Variants in VWA8 observed in about 807,000 individuals in gnomAD.
VWA8 encodes the protein von Willebrand factor A domain-containing protein 8.
Under a neutral mutation model 241.5 loss-of-function variants are expected in VWA8, and 221 were observed. The ratio of observed to expected loss-of-function variants is 0.91; its 90% CI spans 0.82 to 1.02. VWA8 has a LOEUF of 1.02. VWA8 is among the 50% of genes least tolerant of loss of function. The probability of loss-of-function intolerance (pLI) is 0.00; values close to 1 mark genes in which losing one functional copy is unlikely to be tolerated. For synonymous variants in VWA8, 852 were observed against 827.1 expected, an observed-to-expected ratio of 1.03 and a Z score of -0.52; for missense variants, 2,322 against 2,328.7, an observed-to-expected ratio of 1.00 and a Z score of 0.06.
At chr13:41,761,346 C>A in intron 20 of VWA8, 142 bp from the exon 21 acceptor site, 1 of 714,118 alleles carries the variant, frequency 1.4e-6, no homozygotes, top group Non-Finnish European at 2.3e-6. Context: ...ACCAAACTGG[C>A]AAACATATAT....
In VWA8 at chr13:41,945,814, G is replaced by A. The variant is rs920640122; in HGVS notation, c.241+4122C>T. ...TCTATCAAATATAATGGGAGTCCTC[G>A]AAGGAGAGAGAAAAAAGAGAATAAA... On this transcript the variant is annotated intron_variant, in intron 2 of 44. Transcript: ENST00000379310. Among the ~76,000 whole-genome samples, 9 of 151,998 alleles carry A rather than the reference G, an allele frequency of 5.9e-5. No homozygotes were observed. In the East Asian group the frequency reaches 7.7e-4, roughly 13 times the overall value.
chr13:41,748,984 C>T (rs2045632295), intron 21 of VWA8, among the ~76,000 whole-genome samples: 1 of 152,154 alleles, frequency 6.6e-6, no homozygotes, highest in South Asian at 2.1e-4. Flanking sequence ...AAAGCAACTG[C>T]AACAAAAGCC....
intron 37 of VWA8, among the ~76,000 whole-genome samples, chr13:41,655,514 AG>A (rs2044898422): frequency 6.6e-6 from 1 of 152,078 alleles, no homozygotes; most frequent in African/African-American, 2.4e-5. Flanking sequence ...AGAGAGAGAG[AG>A]AGAAAGTAAA....
intron 9 of VWA8, among the ~76,000 whole-genome samples, chr13:41,874,573 C>G (rs1047200858): frequency 2.0e-5 from 3 of 152,080 alleles, no homozygotes; most frequent in Non-Finnish European, 4.4e-5. Flanking sequence ...CATGAGTGAA[C>G]TCCCATTTTC....
chr13:41,718,390 C>T (rs2045360642), intron 26 of VWA8, among the ~76,000 whole-genome samples: 1 of 151,762 alleles, frequency 6.6e-6, no homozygotes, highest in Non-Finnish European at 1.5e-5. Context: ...GTTTCAAATG[C>T]CCATAAGGAC....
chr13:41,574,388 G>GA, intron 43 of VWA8, among the ~76,000 whole-genome samples: 1 of 151,838 alleles, frequency 6.6e-6, no homozygotes, highest in East Asian at 1.9e-4. Flanking sequence ...GCTCTACAAG[G>GA]AAAACTACAA....
At chr13:41,573,486 A>AATAT (rs1555303590) in intron 43 of VWA8, among the ~76,000 whole-genome samples, 65 of 113,588 alleles carry the variant, frequency 5.7e-4, no homozygotes, top group Admixed American at 1.5e-3. Context: ...AAAAAAAAAA[A>AATAT]ATATATATAT....
chr13:41,607,355 C>G (rs893640295), intron 39 of VWA8, among the ~76,000 whole-genome samples: 1 of 152,196 alleles, frequency 6.6e-6, no homozygotes, highest in African/African-American at 2.4e-5. Flanking sequence ...AATTAACTCT[C>G]AGTCCTGAAG....
intron 35 of VWA8, among the ~76,000 whole-genome samples, chr13:41,676,465 A>T (rs141787204): frequency 6.6e-6 from 1 of 152,256 alleles, no homozygotes; most frequent in African/African-American, 2.4e-5. Context: ...CATGTATGAC[A>T]TTTCCCTTTT....
intron 14 of VWA8, among the ~76,000 whole-genome samples, chr13:41,824,943 T>C (rs1871119672): frequency 6.6e-6 from 1 of 151,476 alleles, no homozygotes; most frequent in African/African-American, 2.4e-5. Flanking sequence ...GATAAGGATA[T>C]AAGAGTGACT....
At chr13:41,572,481 T>C (rs1430740193) in intron 43 of VWA8, among the ~76,000 whole-genome samples, 1 of 152,196 alleles carries the variant, frequency 6.6e-6, no homozygotes, top group African/African-American at 2.4e-5. Context: ...ATGCTGTTAA[T>C]CTATAACCTT....
chr13:41,618,973 A>C (rs986729571), intron 37 of VWA8, among the ~76,000 whole-genome samples: 2 of 152,086 alleles, frequency 1.3e-5, no homozygotes, highest in African/African-American at 2.4e-5. Context: ...TTTTGTTTCC[A>C]TATGAACTTT....
intron 20 of VWA8, among the ~76,000 whole-genome samples, chr13:41,766,497 C>T (rs117617533): frequency 0.019 from 2,945 of 152,248 alleles, 46 homozygotes; most frequent in Non-Finnish European, 0.029. Context: ...CAAGCATGCT[C>T]ATCAGCCCTC....
intron 29 of VWA8, 22 bp downstream of exon 29, chr13:41,699,049 A>C: frequency 1.2e-6 from 2 of 1,613,602 alleles, no homozygotes; most frequent in Non-Finnish European, 1.7e-6. Flanking sequence ...TCCTCACATA[A>C]TTGTAGCCTG....
At chr13:41,599,928 C>T (rs2044510854) in intron 40 of VWA8, among the ~76,000 whole-genome samples, 1 of 152,080 alleles carries the variant, frequency 6.6e-6, no homozygotes, top group Non-Finnish European at 1.5e-5. Flanking sequence ...AACCATGCCT[C>T]CCTAGCGCTG....
In VWA8 at chr13:41,573,087, C is replaced by T. The variant is rs149427668; in HGVS notation, c.5371-2381G>A. Among the ~76,000 whole-genome samples, 1,074 of 127,852 alleles carry T rather than the reference C, an allele frequency of 8.4e-3. 15 individuals carry two copies. The highest frequency in any genetic ancestry group is 0.031 in the African/African-American group (1,014 of 32,822). 83.9% of individuals were successfully genotyped at this position (127,852 alleles called of 152,430 possible). Reference sequence around the variant, plus strand: ...ATGTACCACTGCACTCCAGCCTGGGCGACAGAGCAAGACACCGTTTCAAAA... The same window carrying T: ...ATGTACCACTGCACTCCAGCCTGGGTGACAGAGCAAGACACCGTTTCAAAA... On this transcript the variant is annotated intron_variant, in intron 43 of 44. Transcript: ENST00000379310.
At chr13:41,873,575 A>G (rs1873748359) in intron 9 of VWA8, among the ~76,000 whole-genome samples, 1 of 152,238 alleles carries the variant, frequency 6.6e-6, no homozygotes, top group Non-Finnish European at 1.5e-5. Context: ...AATAAACTAG[A>G]AAATCTAGAA....
chr13:41,895,382 G>T (rs1875050070), intron 4 of VWA8, among the ~76,000 whole-genome samples: 1 of 152,052 alleles, frequency 6.6e-6, no homozygotes, highest in Admixed American at 6.6e-5. Flanking sequence ...ACATCTAGAG[G>T]TTACTAGTAA....
In VWA8 at chr13:41,581,095, A is replaced by G. The variant is rs945629031; in HGVS notation, c.5272-5257T>C. ...GCTCACTGCAGGCTCCGCCCCCTGG[A>G]GTTCACGCCATTCTCCTGCCTCAGC... On this transcript the variant is annotated intron_variant, in intron 42 of 44. Transcript: ENST00000379310. 5.3e-4 allele frequency among the ~76,000 whole-genome samples: 62 copies of G among 117,876 alleles called. 21 individuals are homozygous for G. Among genetic ancestry groups the G allele is most frequent in the African/African-American group, 2.0e-3 (43 of 21,822 alleles). The allele number at this position is 117,876 out of a possible 152,430, so 77.3% of individuals were successfully genotyped here.
Sources: allele counts gnomAD v4.1 joint callset (sites outside exome capture counted in the v4.1 genomes callset), GRCh38; gene constraint gnomAD v4.1.1; transcripts MANE v1.5; gene names NCBI Gene and HGNC (gene_info 2026-07-23, HGNC 2026-07-21).